The following OASL variants were observed in gnomAD, a reference collection of about 807,000 sequenced individuals.
The protein encoded by OASL is 2'-5'-oligoadenylate synthetase like, also known as 2'-5'-oligoadenylate synthase-like protein.
A neutral mutation model predicts 35.3 loss-of-function variants in OASL; 28 were observed. The ratio of observed to expected loss-of-function variants is 0.79; its 90% CI spans 0.59 to 1.09. The LOEUF is 1.09. OASL is among the 50% of genes least tolerant of loss of function. The pLI is 0.00. For missense variants in OASL, 620 were observed against 635.2 expected (o/e 0.98, Z 0.26); for synonymous variants, 252 against 254.6 (o/e 0.99, Z 0.10).
chr12:121,036,475 C>A (rs1869961845), intron 1 of OASL, among the ~76,000 whole-genome samples: 1 of 152,150 alleles, frequency 6.6e-6, no homozygotes, highest in Admixed American at 6.5e-5. Flanking sequence ...AGGTAAATAG[C>A]ATTTCCTGCC....
exon 6 of OASL, chr12:121,020,824 C>T: frequency 6.2e-7 from 1 of 1,614,170 alleles, no homozygotes; most frequent in Non-Finnish European, 8.5e-7. Flanking sequence ...GGGATGGTCT[C>T]CAGCAGATAG....
intron 4 of OASL, among the ~76,000 whole-genome samples, chr12:121,024,858 A>G (rs1869413463): frequency 6.6e-6 from 1 of 152,178 alleles, no homozygotes; most frequent in Non-Finnish European, 1.5e-5. Flanking sequence ...CACAAGGCCA[A>G]ATCCTATGCA....
chr12:121,018,773 G>A (rs897882022), downstream of OASL, among the ~76,000 whole-genome samples: 13 of 151,482 alleles, frequency 8.6e-5, no homozygotes, highest in African/African-American at 2.9e-4. Flanking sequence ...GGGAGGCTGA[G>A]GCAGGAGAAT....
intron 2 of OASL, among the ~76,000 whole-genome samples, chr12:121,032,381 T>G (rs1051303436): frequency 1.3e-5 from 2 of 152,086 alleles, no homozygotes; most frequent in Admixed American, 6.6e-5. Context: ...ATGAAACCTC[T>G]AGGATCTGGG....
In OASL at chr12:121,031,504, C is replaced by T. The variant is rs766248806; in HGVS notation, c.595G>A (p.Val199Met). 45 of 1,613,964 alleles carry T rather than the reference C, an allele frequency of 2.8e-5. No homozygotes were observed. Among genetic ancestry groups the T allele is most frequent in the East Asian group, 4.5e-5 (2 of 44,892 alleles). Reference sequence around the variant, plus strand: ...TTCAGCTTAGTTGGCCGATGTTTCACGAAATTTCTCTGCAGCTCGCTGAAG... The same window carrying T: ...TTCAGCTTAGTTGGCCGATGTTTCATGAAATTTCTCTGCAGCTCGCTGAAG... Residue 199 changes from valine to methionine, a missense_variant, in exon 3 of 6, where the codon GTG (valine) becomes ATG (methionine). Transcript: ENST00000257570.
chr12:121,035,202 A>G (rs4403877), intron 1 of OASL, among the ~76,000 whole-genome samples: 130,086 of 151,872 alleles, frequency 0.86, 56,065 homozygotes, highest in Non-Finnish European at 0.91. Flanking sequence ...TGGCACCCAT[A>G]AGAGCCCTGT....
At chr12:121,028,117 A>G (rs1373997624) in intron 3 of OASL, among the ~76,000 whole-genome samples, 2 of 152,224 alleles carry the variant, frequency 1.3e-5, no homozygotes, top group African/African-American at 4.8e-5. Flanking sequence ...AAGCAGTCCC[A>G]TTTAAATCTA....
At chr12:121,033,888 G>A in intron 1 of OASL, 145 bp from the exon 2 acceptor site, 1 of 797,992 alleles carries the variant, frequency 1.3e-6, no homozygotes, top group Non-Finnish European at 2.0e-6. Flanking sequence ...ACACTTTACA[G>A]GTGAGAAAAC....
exon 3 of OASL, chr12:121,031,578 T>G (rs34041117): frequency 6.2e-7 from 1 of 1,613,878 alleles, no homozygotes; most frequent in Non-Finnish European, 8.5e-7. Context: ...CAGGCTCACA[T>G]AGACCTCAGG....
Position 121,033,753 on chromosome 12 carries a change from A to C in OASL, c.199-10T>G. 2 of 1,609,244 alleles carry C rather than the reference A, an allele frequency of 1.2e-6. No individual in the cohort carries two copies. Among genetic ancestry groups the C allele is most frequent in the African/African-American group, 1.3e-5 (1 of 74,862 alleles). On this transcript the variant is annotated splice_polypyrimidine_tract_variant and intron_variant, in intron 1 of 5. Transcript: ENST00000257570. ...TCCCGAAGGAGCCCACCTGCAGAACACAGAGCCCCGTCACCCTGAGGCCCA... is the reference window on the plus strand; with the variant it reads ...TCCCGAAGGAGCCCACCTGCAGAACCCAGAGCCCCGTCACCCTGAGGCCCA...
exon 6 of OASL, chr12:121,020,787 T>G (rs1869197009): frequency 6.2e-7 from 1 of 1,614,002 alleles, no homozygotes; most frequent in South Asian, 1.1e-5. Flanking sequence ...ACCATCAGGA[T>G]TCTTCACGAA....
chr12:121,018,125 T>C (rs548493991), downstream of OASL, among the ~76,000 whole-genome samples: 5 of 152,306 alleles, frequency 3.3e-5, no homozygotes, highest in South Asian at 1.0e-3. Context: ...GTGATGGTAT[T>C]AGGAGGTGGG....
intron 3 of OASL, among the ~76,000 whole-genome samples, chr12:121,029,064 G>GAAAAAAAAAAAAAAAAAAAAAAAAAAAA (rs10577200): frequency 9.5e-6 from 1 of 105,092 alleles, no homozygotes. Context: ...ACTTGTCTCA[G>GAAAAAAAAAAAAAAAAAAAAAAAAAAAA]AAAAAAAAAA....
chr12:121,023,230 G>C (rs961387048), intron 5 of OASL, among the ~76,000 whole-genome samples: 123 of 150,470 alleles, frequency 8.2e-4, no homozygotes, highest in African/African-American at 2.6e-3. Flanking sequence ...TCATGGATTT[G>C]CTTCCTGACA....
exon 5 of OASL, chr12:121,024,075 A>T: frequency 6.2e-7 from 1 of 1,614,088 alleles, no homozygotes; most frequent in Non-Finnish European, 8.5e-7. Flanking sequence ...CTGAGCAACG[A>T]TGTCCCATCT....
At chr12:121,027,468 G>A in intron 4 of OASL, 108 bp downstream of exon 4, 1 of 1,496,396 alleles carries the variant, frequency 6.7e-7, no homozygotes, top group Non-Finnish European at 9.0e-7. Flanking sequence ...AACTATGGTG[G>A]CAGCCTTACT....
exon 6 of OASL, chr12:121,020,335 G>A (rs2259697): frequency 0.8 from 374,215 of 465,954 alleles, 152,037 homozygotes; most frequent in East Asian, 0.9. Context: ...GGGTCTCCCT[G>A]TGATACCCAG....
At chr12:121,037,473 G>T (rs1869998479) in intron 1 of OASL, among the ~76,000 whole-genome samples, 1 of 152,026 alleles carries the variant, frequency 6.6e-6, no homozygotes, top group Admixed American at 6.6e-5. Flanking sequence ...ACCTCTCTGA[G>T]CCTCCATTAA....
At chr12:121,037,797 C>T (rs1374509016) in intron 1 of OASL, among the ~76,000 whole-genome samples, 1 of 140,432 alleles carries the variant, frequency 7.1e-6, no homozygotes, top group Non-Finnish European at 1.5e-5. Flanking sequence ...AAACAAAAAT[C>T]ATTTTATTGG....
Sources: gnomAD v4.1 joint callset for allele counts (sites outside exome capture counted in the v4.1 genomes callset) on GRCh38, gnomAD v4.1.1 for gene constraint, MANE v1.5 for transcripts, NCBI Gene and HGNC (gene_info 2026-07-23, HGNC 2026-07-21) for gene names.